PFKL: variants seen among roughly 807,000 people sequenced by gnomAD.
PFKL encodes the protein ATP-dependent 6-phosphofructokinase, liver type.
PFKL carries 74 observed loss-of-function variants against 92.1 expected under a neutral mutation model. That is an observed-to-expected ratio of 0.80 (90% CI 0.67 to 0.97). The LOEUF (loss-of-function observed/expected upper bound fraction) is 0.97. PFKL is among the 50% of genes least tolerant of loss of function. The pLI is 0.00. For missense variants in PFKL, 1,028 were observed against 1,116.6 expected (o/e 0.92, Z 1.13); for synonymous variants, 494 against 456.4 (o/e 1.08, Z -1.05).
chr21:44,310,946 C>G, intron 2 of PFKL, 60 bp from the exon 3 acceptor site: 11 of 1,262,130 alleles, frequency 8.7e-6, no homozygotes, highest in Non-Finnish European at 1.3e-5. Context: ...GCTCCCAGAC[C>G]ACTTGCTGCC....
chr21:44,317,850 A>G (rs1046013215), intron 9 of PFKL, among the ~76,000 whole-genome samples: 3 of 152,200 alleles, frequency 2.0e-5, no homozygotes, highest in African/African-American at 4.8e-5. Context: ...CACTTGCAAG[A>G]TGAAAAAACC....
In PFKL at chr21:44,321,444, C is replaced by T. The variant is rs185804565; in HGVS notation, c.1192-285C>T. ...GTGGGCACTGACCTGTGTTCCCGCC[C>T]GCAAGCCTGGCTTCACAACAGTGCT... On this transcript the variant is annotated intron_variant, in intron 12 of 21. Transcript: ENST00000349048. 765 of 243,542 alleles carry T rather than the reference C, an allele frequency of 3.1e-3. 6 individuals carry two copies. The highest frequency in any genetic ancestry group is 0.017 in the African/African-American group (733 of 44,400). 15.1% of individuals were successfully genotyped at this position (243,542 alleles called of 1,614,324 possible).
chr21:44,314,153 G>A (rs2047134284), intron 7 of PFKL, 132 bp downstream of exon 7: 4 of 676,874 alleles, frequency 5.9e-6, no homozygotes, highest in Middle Eastern at 2.4e-4. Context: ...GGTGCCCCTT[G>A]GGGGCGGGAC....
rs143801716 is a variant in PFKL at position 44,316,225 on chromosome 21, T to C, written c.748-19T>C. The stretch of plus-strand genomic sequence containing the variant: ...GTTTCCCTGCCTGGCAGCTGAGCCC[T>C]GTCGTGTCTTTGACCCAGACTCGGA... On this transcript the variant is annotated intron_variant, in intron 7 of 21. Transcript: ENST00000349048. 2,562 of 1,611,096 alleles carry C rather than the reference T, an allele frequency of 1.6e-3. 5 individuals carry two copies. Among genetic ancestry groups the C allele is most frequent in the Admixed American group, 4.7e-3 (283 of 60,022 alleles).
chr21:44,321,936 T>C, intron 13 of PFKL, 61 bp downstream of exon 13: 1 of 1,508,654 alleles, frequency 6.6e-7, no homozygotes, highest in Non-Finnish European at 8.9e-7. Flanking sequence ...ACTTGGGGCA[T>C]TTCCTGTGGA....
chr21:44,323,431 C>T (rs1022986779), intron 15 of PFKL, among the ~76,000 whole-genome samples: 4 of 152,140 alleles, frequency 2.6e-5, no homozygotes, highest in Non-Finnish European at 5.9e-5. Flanking sequence ...CATCGCTGAA[C>T]GTGGTGTCCT....
In PFKL at chr21:44,321,871, G is replaced by T; in HGVS notation, c.1334G>T (p.Gly445Val). ...GATGGCTTCGAAGGCCTAGCCAAGG[G>T]TCAGGTGGGTCCGGCCGGGGCAAAC... is the stretch of plus-strand genomic sequence containing the variant. ...VHDGFEGLAK[G>V]QVQEVGWHDV... The change falls in exon 13 of 22, where the codon GGT becomes GTT. Residue 445 changes from glycine to valine, a missense_variant. Coordinates refer to ENST00000349048, the MANE Select transcript of PFKL (RefSeq NM_002626.6). 6.5e-7 allele frequency: 1 copy of T among 1,539,882 alleles called. No individual in the cohort carries two copies. The highest frequency in any genetic ancestry group is 2.3e-5 in the East Asian group (1 of 43,658).
Position 44,324,932 on chromosome 21 carries a change from G to A in PFKL, c.1877+15G>A. On this transcript the variant is annotated intron_variant, in intron 18 of 21. Transcript: ENST00000349048. Reference sequence around the variant, plus strand: ...CTGGTGCTGCGGTGAGGCTGCCGTGGGTCCCTGGCCACAGCTGCGCGTCCA... The same window carrying A: ...CTGGTGCTGCGGTGAGGCTGCCGTGAGTCCCTGGCCACAGCTGCGCGTCCA... The A allele has an allele frequency of 6.3e-7, 1 of 1,596,712 alleles. No homozygotes were observed. The highest frequency in any genetic ancestry group is 8.5e-7 in the Non-Finnish European group (1 of 1,171,672).
At chr21:44,308,968 C>T (rs957962143) in intron 2 of PFKL, among the ~76,000 whole-genome samples, 1 of 152,186 alleles carries the variant, frequency 6.6e-6, no homozygotes, top group Non-Finnish European at 1.5e-5. Context: ...CTACGATGAC[C>T]TCAGTGCATG....
chr21:44,312,616 C>T (rs1198047732), intron 4 of PFKL, among the ~76,000 whole-genome samples: 1 of 152,196 alleles, frequency 6.6e-6, no homozygotes, highest in Non-Finnish European at 1.5e-5. Context: ...CATGCATGGT[C>T]ACAGTCTGCA....
intron 1 of PFKL, chr21:44,305,357 C>T (rs1050748635): frequency 4.4e-6 from 6 of 1,365,876 alleles, no homozygotes; most frequent in African/African-American, 3.0e-5. Context: ...GTCGAGAGTC[C>T]TCTCGTGGGG....
rs139554797 is a variant in PFKL at position 44,317,087 on chromosome 21, C to T, written c.936+563C>T. 1.4e-4 allele frequency among the ~76,000 whole-genome samples: 22 copies of T among 152,306 alleles called. No homozygotes were observed. The East Asian group carries it at 2.7e-3, about 19-fold the overall frequency. ...CCTCGCCGTCCTTGGTCCTGATCAC[C>T]GCTGGGTCTCACTTTGTCCTCTGCA... On this transcript the variant is annotated intron_variant, in intron 9 of 21. Coordinates refer to ENST00000349048, the MANE Select transcript of PFKL (RefSeq NM_002626.6).
chr21:44,300,189 AGGTGGGCGGGGG>A lies in PFKL; in HGVS notation c.85_85+11del. 1.8e-6 allele frequency: 2 copies of A among 1,123,540 alleles called. No homozygotes were observed. The highest frequency in any genetic ancestry group is 2.2e-6 in the Non-Finnish European group (2 of 913,656). 69.6% of individuals were successfully genotyped at this position (1,123,540 alleles called of 1,614,324 possible). Reference sequence around the variant, plus strand: ...TCCTGACCAGCGGCGGCGACGCGCAAGGTGGGCGGGGGTCCCGGCCGCGTCGCGGCGCAGGGG... The same window carrying A: ...TCCTGACCAGCGGCGGCGACGCGCAATCCCGGCCGCGTCGCGGCGCAGGGG... On this transcript the variant is annotated splice_donor_variant and splice_donor_5th_base_variant and coding_sequence_variant and intron_variant, in exon 1 of 22. Transcript: ENST00000349048. LOFTEE classifies it high-confidence loss of function.
chr21:44,304,422 C>A, intron 1 of PFKL: 1 of 1,231,324 alleles, frequency 8.1e-7, no homozygotes, highest in Non-Finnish European at 1.0e-6. Context: ...CTCCTGCCCT[C>A]TCCTTGCCCT....
At chr21:44,303,420 A>AAAAAAAAAAAAAAAAAAAAAAAAAAC (rs2040830662) in intron 1 of PFKL, among the ~76,000 whole-genome samples, 1 of 144,214 alleles carries the variant, frequency 6.9e-6, no homozygotes. Context: ...CAAAAAAAAA[A>AAAAAAAAAAAAAAAAAAAAAAAAAAC]AACAGACTTG....
At chr21:44,300,800 G>C (rs1247162810) in intron 1 of PFKL, among the ~76,000 whole-genome samples, 1 of 152,248 alleles carries the variant, frequency 6.6e-6, no homozygotes, top group Non-Finnish European at 1.5e-5. Flanking sequence ...CAGGTGGTGG[G>C]GACTGGGACT....
intron 14 of PFKL, 21 bp from the exon 15 acceptor site, chr21:44,322,941 C>T (rs183905058): frequency 1.7e-5 from 27 of 1,577,628 alleles, no homozygotes; most frequent in East Asian, 4.6e-5. Context: ...CGTGTTCATG[C>T]GGATGTGTCT....
At chr21:44,311,307 GAC>G (rs1263138077) in intron 3 of PFKL, among the ~76,000 whole-genome samples, 2 of 146,462 alleles carry the variant, frequency 1.4e-5, no homozygotes, top group Non-Finnish European at 3.0e-5. Flanking sequence ...CACAGACACA[GAC>G]ACGTGCACAG....
intron 1 of PFKL, chr21:44,304,578 G>A (rs1177586187): frequency 1.8e-6 from 2 of 1,086,674 alleles, no homozygotes; most frequent in African/African-American, 1.7e-5. Flanking sequence ...GTGAGGGTGG[G>A]GGACAGGGCG....
Sources: allele counts gnomAD v4.1 joint callset (sites outside exome capture counted in the v4.1 genomes callset), GRCh38; gene constraint gnomAD v4.1.1; transcripts MANE v1.5; gene names NCBI Gene and HGNC (gene_info 2026-07-23, HGNC 2026-07-21).